TBC1D23: variants seen among roughly 807,000 people sequenced by gnomAD.
TBC1D23 encodes the protein HCV non-structural protein 4A-transactivated protein 1.
A neutral mutation model predicts 91.4 loss-of-function variants in TBC1D23; 55 were observed. The ratio of observed to expected loss-of-function variants is 0.60; its 90% CI spans 0.48 to 0.75. The LOEUF (loss-of-function observed/expected upper bound fraction) is 0.75. Ranked by LOEUF, TBC1D23 falls within the 30% of genes least tolerant of loss-of-function variation. TBC1D23 has a pLI of 0.00. For synonymous variants in TBC1D23, 289 were observed against 281.0 expected, an observed-to-expected ratio of 1.03 and a Z score of -0.28; for missense variants, 725 against 836.1, an observed-to-expected ratio of 0.87 and a Z score of 1.64.
At position 100,261,187 on chromosome 3, in the gene TBC1D23, G is replaced by A. The variant is rs974528718; in HGVS notation, c.53+116G>A. The A allele has an allele frequency of 8.1e-6, 8 of 992,308 alleles. No individual in the cohort carries two copies. The South Asian group carries it at 1.1e-4, about 14-fold the overall frequency. 61.5% of individuals were successfully genotyped at this position (992,308 alleles called of 1,614,324 possible). A position where few individuals can be genotyped will look rare whatever the true frequency, so the allele number is the denominator to read the frequency against. ...TGGAACGGAGAGGCCGGTCCTAGGC[G>A]AAGTCCGGTGCCCTGCCCTACCCCT... On this transcript the variant is annotated intron_variant, in intron 1 of 18. Coordinates refer to ENST00000394144, the MANE Select transcript of TBC1D23 (RefSeq NM_001199198.3).
chr3:100,312,135 CA>C (rs1323460814), intron 15 of TBC1D23, among the ~76,000 whole-genome samples: 1 of 152,060 alleles, frequency 6.6e-6, no homozygotes, highest in Admixed American at 6.6e-5. Context: ...TAAGTTTGTT[CA>C]AAACCTGCAG....
intron 13 of TBC1D23, among the ~76,000 whole-genome samples, 180 bp from the exon 14 acceptor site, chr3:100,310,223 T>G (rs1447395571): frequency 6.6e-6 from 1 of 152,184 alleles, no homozygotes. Flanking sequence ...TTAACCTTAA[T>G]TATGCCTGTA....
At chr3:100,273,979 AAT>A (rs1266449067) in intron 1 of TBC1D23, among the ~76,000 whole-genome samples, 2 of 152,186 alleles carry the variant, frequency 1.3e-5, no homozygotes, top group Non-Finnish European at 2.9e-5. Flanking sequence ...TCTATATGTA[AAT>A]ATATGTCTAT....
intron 5 of TBC1D23, among the ~76,000 whole-genome samples, chr3:100,292,510 G>A (rs749900864): frequency 6.6e-6 from 1 of 152,184 alleles, no homozygotes; most frequent in Non-Finnish European, 1.5e-5. Flanking sequence ...GGTAATTGGA[G>A]AATTCTAACT....
At chr3:100,269,674 A>G (rs761243188) in intron 1 of TBC1D23, among the ~76,000 whole-genome samples, 6 of 152,226 alleles carry the variant, frequency 3.9e-5, no homozygotes, top group Non-Finnish European at 5.9e-5. Context: ...ACCAAATGTC[A>G]TACAGAATAT....
Position 100,323,702 on chromosome 3 carries a change from C to A in TBC1D23, c.*34C>A. ...AAAATTATATAAAAAGAAATTAAGA[C>A]AACCAAGAGAAACATGGACATATAC... is the stretch of plus-strand genomic sequence containing the variant. On this transcript the variant is annotated 3_prime_UTR_variant, in exon 19 of 19. Coordinates refer to ENST00000394144, the MANE Select transcript of TBC1D23 (RefSeq NM_001199198.3). The A allele has an allele frequency of 1.7e-6, 2 of 1,181,094 alleles. No homozygotes were observed. The highest frequency in any genetic ancestry group is 2.3e-6 in the Non-Finnish European group (2 of 871,386). 73.2% of individuals were successfully genotyped at this position (1,181,094 alleles called of 1,614,324 possible). A position where few individuals can be genotyped will look rare whatever the true frequency, so the allele number is the denominator to read the frequency against.
At chr3:100,263,482 GAC>G (rs2067531470) in intron 1 of TBC1D23, among the ~76,000 whole-genome samples, 1 of 152,228 alleles carries the variant, frequency 6.6e-6, no homozygotes, top group Admixed American at 6.5e-5. Flanking sequence ...GCATAGACAA[GAC>G]AACTAATTTG....
Position 100,310,394 on chromosome 3 carries a change from T to C in TBC1D23, c.1414-9T>C. The C allele has an allele frequency of 6.2e-7, 1 of 1,605,024 alleles. No individual in the cohort carries two copies. The highest frequency in any genetic ancestry group is 8.5e-7 in the Non-Finnish European group (1 of 1,175,600). On this transcript the variant is annotated splice_polypyrimidine_tract_variant and intron_variant, in intron 13 of 18. Coordinates refer to ENST00000394144, the MANE Select transcript of TBC1D23 (RefSeq NM_001199198.3). Reference sequence around the variant, plus strand: ...CAGAGGCAGTTAATCCATTATGTTCTTTTTTTAGGGTGAATCTCCTAATGG... The same window carrying C: ...CAGAGGCAGTTAATCCATTATGTTCCTTTTTTAGGGTGAATCTCCTAATGG...
intron 9 of TBC1D23, 142 bp downstream of exon 9, chr3:100,298,187 T>C: frequency 1.6e-6 from 1 of 643,836 alleles, no homozygotes. Flanking sequence ...TTGTGTTAAA[T>C]GTTATGTTCA....
chr3:100,280,064 C>G (rs1321727139), intron 2 of TBC1D23, among the ~76,000 whole-genome samples: 2 of 152,052 alleles, frequency 1.3e-5, no homozygotes, highest in Non-Finnish European at 2.9e-5. Flanking sequence ...GCAGGCAGAT[C>G]ACCTGAGGTC....
At position 100,324,780 on chromosome 3, in the gene TBC1D23, T is replaced by C. The variant is rs1705922406; in HGVS notation, c.*1112T>C. ...GGTAAGAGAAGTCCAGGAACACATTTAGGGCCATGGAATAGTATTTTGTAA... is the reference window on the plus strand; with the variant it reads ...GGTAAGAGAAGTCCAGGAACACATTCAGGGCCATGGAATAGTATTTTGTAA... On this transcript the variant is annotated 3_prime_UTR_variant, in exon 19 of 19. Transcript: ENST00000394144. 6.6e-6 allele frequency: 1 copy of C among 152,216 alleles called. No individual in the cohort carries two copies. Among genetic ancestry groups the C allele is most frequent in the Non-Finnish European group, 1.5e-5 (1 of 68,034 alleles). The allele number at this position is 152,216 out of a possible 1,614,324, so 9.4% of individuals were successfully genotyped here. A position where few individuals can be genotyped will look rare whatever the true frequency, so the allele number is the denominator to read the frequency against.
intron 2 of TBC1D23, among the ~76,000 whole-genome samples, chr3:100,280,500 A>G (rs2067685406): frequency 6.6e-6 from 1 of 152,230 alleles, no homozygotes; most frequent in African/African-American, 2.4e-5. Context: ...ATATTTGTGG[A>G]AATATATACA....
intron 2 of TBC1D23, 98 bp downstream of exon 2, chr3:100,279,858 C>A: frequency 1.5e-6 from 1 of 652,024 alleles, no homozygotes. Context: ...AACTTTATTA[C>A]CTTATGAGCA....
At chr3:100,307,573 G>A (rs1335522501) in intron 13 of TBC1D23, among the ~76,000 whole-genome samples, 1 of 152,200 alleles carries the variant, frequency 6.6e-6, no homozygotes, top group East Asian at 1.9e-4. Flanking sequence ...ACCTGTGTTA[G>A]TTGAGGTTTA....
At position 100,310,521 on chromosome 3, in the gene TBC1D23, A is replaced by C; in HGVS notation, c.1532A>C (p.Asn511Thr). 1 of 1,613,056 alleles carries C rather than the reference A, an allele frequency of 6.2e-7. No homozygotes were observed. Among genetic ancestry groups the C allele is most frequent in the Non-Finnish European group, 8.5e-7 (1 of 1,179,518 alleles). ...VREKVISFIENTSTPVDRMSF... is the reference protein window; with the variant it reads ...VREKVISFIETTSTPVDRMSF... ...GAAAAAGTTATCAGTTTTATAGAGA[A>C]TACATCAACTCCTGTGGATCGGTGA... The change falls in exon 14 of 19, where the codon AAT (asparagine) becomes ACT (threonine). Residue 511 changes from asparagine to threonine, a missense_variant. Asn to Thr is a moderately conservative substitution (Grantham distance 65). Coordinates refer to ENST00000394144, the MANE Select transcript of TBC1D23 (RefSeq NM_001199198.3).
intron 15 of TBC1D23, among the ~76,000 whole-genome samples, chr3:100,313,140 A>G (rs1705659075): frequency 6.6e-6 from 1 of 152,120 alleles, no homozygotes; most frequent in African/African-American, 2.4e-5. Context: ...AATTTTACCT[A>G]GCACTACTTT....
At chr3:100,302,418 A>G (rs1705449537) in intron 11 of TBC1D23, among the ~76,000 whole-genome samples, 181 bp downstream of exon 11, 1 of 152,196 alleles carries the variant, frequency 6.6e-6, no homozygotes, top group Non-Finnish European at 1.5e-5. Flanking sequence ...AACTCAAACC[A>G]TCTGGCATTT....
intron 17 of TBC1D23, 33 bp from the exon 18 acceptor site, chr3:100,320,744 T>A (rs772661837): frequency 7.4e-7 from 1 of 1,352,282 alleles, no homozygotes; most frequent in Non-Finnish European, 9.9e-7. Flanking sequence ...TACTTAAAAA[T>A]TCTTTTTCTT....
chr3:100,314,214 T>A (rs1489251710), intron 15 of TBC1D23, among the ~76,000 whole-genome samples: 2 of 150,590 alleles, frequency 1.3e-5, no homozygotes, highest in Non-Finnish European at 3.0e-5. Context: ...TTCTCCTGTC[T>A]CGCCCTCCCA....
Sources: allele counts gnomAD v4.1 joint callset (sites outside exome capture counted in the v4.1 genomes callset), GRCh38; gene constraint gnomAD v4.1.1; transcripts MANE v1.5; gene names NCBI Gene and HGNC (gene_info 2026-07-23, HGNC 2026-07-21).